FHIT: variants seen among roughly 807,000 people sequenced by gnomAD.
FHIT encodes the protein bis(5'-adenosyl)-triphosphatase.
In FHIT, 19 loss-of-function variants were observed where a neutral mutation model predicts 17.9. The ratio of observed to expected loss-of-function variants is 1.06; its 90% CI spans 0.74 to 1.56. The LOEUF is 1.56. Among genes scored for constraint, FHIT ranks in the 40% most tolerant of loss-of-function variants. The probability of loss-of-function intolerance (pLI) is 0.00; values close to 1 mark genes in which losing one functional copy is unlikely to be tolerated. For synonymous variants in FHIT, 81 were observed against 69.7 expected (o/e 1.16, Z -0.81); for missense variants, 248 against 189.2 (o/e 1.31, Z -1.82).
chr3:60,889,868 T>C lies in FHIT; in HGVS notation c.-110-67857A>G, dbSNP rs578044058. Reference sequence around the variant, plus strand: ...GGACAAAAAGGTAAACAGAATGAGATATGCAATCCTTTTTGTCAAAAGGGG... The same window carrying C: ...GGACAAAAAGGTAAACAGAATGAGACATGCAATCCTTTTTGTCAAAAGGGG... On this transcript the variant is annotated intron_variant, in intron 3 of 9. Transcript: ENST00000492590. Among the ~76,000 whole-genome samples, 165 of 152,262 alleles carry C rather than the reference T, an allele frequency of 1.1e-3. 2 individuals are homozygous for C. The highest frequency in any genetic ancestry group is 3.7e-3 in the African/African-American group (155 of 41,550).
chr3:60,733,718 G>A (rs984004173), intron 4 of FHIT, among the ~76,000 whole-genome samples: 12 of 152,086 alleles, frequency 7.9e-5, no homozygotes, highest in Admixed American at 2.0e-4. Flanking sequence ...GTCCATTGGT[G>A]AGCCCTTTAT....
At chr3:61,046,796 G>C (rs911635780) in intron 2 of FHIT, among the ~76,000 whole-genome samples, 9 of 152,120 alleles carry the variant, frequency 5.9e-5, no homozygotes, top group African/African-American at 2.2e-4. Context: ...TATCCACCAC[G>C]ATCAAGTTGG....
chr3:60,334,624 A>T (rs1710146739), intron 5 of FHIT, among the ~76,000 whole-genome samples: 1 of 152,210 alleles, frequency 6.6e-6, no homozygotes, highest in African/African-American at 2.4e-5. Context: ...CATCTCTAAC[A>T]AAAATACAAA....
chr3:60,471,013 G>A lies in FHIT; in HGVS notation c.103+65847C>T, dbSNP rs114627865. The stretch of plus-strand genomic sequence containing the variant: ...CAGGGTATGTTTAGAAACGCTGTCT[G>A]GAAGCCAAGGCCTAGAACAGAGGCC... On this transcript the variant is annotated intron_variant, in intron 5 of 9. Coordinates refer to ENST00000492590, the MANE Select transcript of FHIT (RefSeq NM_002012.4). Among the ~76,000 whole-genome samples the A allele has an allele frequency of 2.6e-3, 397 of 152,304 alleles. 3 individuals carry two copies. The highest frequency in any genetic ancestry group is 8.2e-3 in the African/African-American group (342 of 41,562).
chr3:60,782,254 T>TATATA (rs1553725887), intron 4 of FHIT, among the ~76,000 whole-genome samples: 1 of 150,946 alleles, frequency 6.6e-6, no homozygotes, highest in African/African-American at 2.4e-5. Flanking sequence ...TATATATATA[T>TATATA]CACATTTTCT....
Position 60,441,855 on chromosome 3 carries a change from G to GTT in FHIT, c.103+95003_103+95004dup, listed in dbSNP as rs75740422. 1.6e-4 allele frequency among the ~76,000 whole-genome samples: 18 copies of GTT among 115,618 alleles called. No homozygotes were observed. In the South Asian group the frequency reaches 3.0e-3, roughly 19 times the overall value. 75.8% of individuals were successfully genotyped at this position (115,618 alleles called of 152,430 possible). On this transcript the variant is annotated intron_variant, in intron 5 of 9. Transcript: ENST00000492590. The stretch of plus-strand genomic sequence containing the variant: ...TCCCGCTCATTCTTTTTTTAGTTGT[G>GTT]TTTTTTTTTTTTTAATTTTAAGAGA...
chr3:59,976,850 C>T (rs1361754810), intron 7 of FHIT, among the ~76,000 whole-genome samples: 1 of 152,024 alleles, frequency 6.6e-6, no homozygotes, highest in Admixed American at 6.6e-5. Context: ...ACATCCTGAC[C>T]CTCAGAGGTC....
At chr3:59,946,150 A>G (rs1474963474) in intron 7 of FHIT, among the ~76,000 whole-genome samples, 2 of 152,210 alleles carry the variant, frequency 1.3e-5, no homozygotes, top group African/African-American at 4.8e-5. Flanking sequence ...GATTCTTCCT[A>G]TCCACGAGCA....
At chr3:61,106,771 C>T (rs796967908) in intron 2 of FHIT, among the ~76,000 whole-genome samples, 11 of 152,290 alleles carry the variant, frequency 7.2e-5, no homozygotes, top group African/African-American at 2.6e-4. Context: ...AGTGATTCTT[C>T]TGCCTCAGCC....
rs142573920 is a variant in FHIT, at chr3:60,338,395, T to C, written c.103+198465A>G. On this transcript the variant is annotated intron_variant, in intron 5 of 9. Coordinates refer to ENST00000492590, the MANE Select transcript of FHIT (RefSeq NM_002012.4). ...TTACTTATTTATTTGAGACAGGGTC[T>C]CACTGTGGCGCCCAGACTCGAGTGC... Among the ~76,000 whole-genome samples the C allele has an allele frequency of 6.5e-3, 992 of 152,314 alleles. 9 individuals are homozygous for C. Among genetic ancestry groups the C allele is most frequent in the Non-Finnish European group, 9.5e-3 (648 of 68,026 alleles).
At chr3:60,569,732 T>TATATATATATATATATATATAC (rs1553654692) in intron 4 of FHIT, among the ~76,000 whole-genome samples, 21 of 31,726 alleles carry the variant, frequency 6.6e-4, no homozygotes, top group East Asian at 1.4e-3. Context: ...ATACTATATA[T>TATATATATATATATATATATAC]ATATATATAT....
At chr3:60,879,340 A>G (rs893391497) in intron 3 of FHIT, among the ~76,000 whole-genome samples, 1 of 152,200 alleles carries the variant, frequency 6.6e-6, no homozygotes, top group African/African-American at 2.4e-5. Flanking sequence ...CATAGATACT[A>G]TACCACTGAA....
intron 2 of FHIT, among the ~76,000 whole-genome samples, chr3:61,106,710 G>A (rs1482722213): frequency 6.6e-6 from 1 of 152,162 alleles, no homozygotes; most frequent in Non-Finnish European, 1.5e-5. Flanking sequence ...CGCCCAGGCT[G>A]GAGTGAAGTG....
intron 1 of FHIT, among the ~76,000 whole-genome samples, chr3:61,239,839 A>G (rs948725420): frequency 2.0e-5 from 3 of 150,088 alleles, no homozygotes; most frequent in African/African-American, 5.0e-5. Flanking sequence ...GCAACTTAGT[A>G]GAAGCCACAA....
chr3:59,860,974 C>T (rs1196461766), intron 8 of FHIT, among the ~76,000 whole-genome samples: 2 of 152,008 alleles, frequency 1.3e-5, no homozygotes, highest in Non-Finnish European at 2.9e-5. Context: ...TAGTGGGCTG[C>T]CTTGTGCCTG....
chr3:60,089,776 A>C (rs1303603126), intron 5 of FHIT, among the ~76,000 whole-genome samples: 7 of 152,162 alleles, frequency 4.6e-5, no homozygotes, highest in Non-Finnish European at 4.4e-5. Context: ...CCAAAATGGT[A>C]ACTTGTTGGC....
chr3:60,756,897 G>T (rs981448978), intron 4 of FHIT, among the ~76,000 whole-genome samples: 1 of 152,112 alleles, frequency 6.6e-6, no homozygotes. Flanking sequence ...CACCCAAAAA[G>T]TCAGCTGCAT....
chr3:60,350,483 C>T (rs1348045091), intron 5 of FHIT, among the ~76,000 whole-genome samples: 1 of 152,076 alleles, frequency 6.6e-6, no homozygotes, highest in East Asian at 1.9e-4. Flanking sequence ...TACGTAACGT[C>T]ACAATTTTTA....
intron 3 of FHIT, among the ~76,000 whole-genome samples, chr3:60,842,645 A>ATATTTTTTTT (rs1396703397): frequency 1.1e-5 from 1 of 94,600 alleles, no homozygotes. Flanking sequence ...ATATATATAT[A>ATATTTTTTTT]TTTTTTTTTT....
Sources: gnomAD v4.1 joint callset for allele counts (sites outside exome capture counted in the v4.1 genomes callset) on GRCh38, gnomAD v4.1.1 for gene constraint, MANE v1.5 for transcripts, NCBI Gene and HGNC (gene_info 2026-07-23, HGNC 2026-07-21) for gene names.